HEMK2: variants seen among roughly 807,000 people sequenced by gnomAD.
HEMK2 encodes methyltransferase HEMK2.
the HEMK2 span, among the ~76,000 whole-genome samples, chr21:28,587,294 T>C: frequency 6.6e-6 from 1 of 152,136 alleles, no homozygotes. Flanking sequence ...TCACCTAACC[T>C]GGGTTGTGGG....
At chr21:28,827,332 C>A in the HEMK2 span, among the ~76,000 whole-genome samples, 1 of 152,170 alleles carries the variant, frequency 6.6e-6, no homozygotes, top group Non-Finnish European at 1.5e-5. Context: ...GTCTTTGATA[C>A]CACAGTTAAG....
At chr21:28,727,741 T>C in the HEMK2 span, among the ~76,000 whole-genome samples, 2 of 152,220 alleles carry the variant, frequency 1.3e-5, no homozygotes, top group Non-Finnish European at 2.9e-5. Flanking sequence ...GATGTTCAAA[T>C]AGGACCACTT....
the HEMK2 span, among the ~76,000 whole-genome samples, chr21:28,584,289 G>T: frequency 3.3e-5 from 5 of 152,128 alleles, no homozygotes; most frequent in African/African-American, 7.2e-5. Flanking sequence ...ATAAATTAGG[G>T]TGTCAGGAAC....
At chr21:28,658,027 T>C in the HEMK2 span, among the ~76,000 whole-genome samples, 1 of 152,096 alleles carries the variant, frequency 6.6e-6, no homozygotes, top group Non-Finnish European at 1.5e-5. Context: ...ACAAGCCATT[T>C]CTTGGTATGT....
chr21:28,612,270 G>C, the HEMK2 span, among the ~76,000 whole-genome samples: 1 of 151,416 alleles, frequency 6.6e-6, no homozygotes, highest in South Asian at 2.1e-4. Context: ...TGCAGGAATA[G>C]TTTAACATCT....
chr21:28,733,645 C>T, the HEMK2 span, among the ~76,000 whole-genome samples: 286 of 152,222 alleles, frequency 1.9e-3, 1 homozygote, highest in African/African-American at 6.5e-3. Flanking sequence ...CCCACTCCCC[C>T]CAACCCCATT....
chr21:28,600,453 C>T, the HEMK2 span, among the ~76,000 whole-genome samples: 3 of 152,206 alleles, frequency 2.0e-5, no homozygotes, highest in South Asian at 6.2e-4. Context: ...GCACAAAGTC[C>T]CTAGGCTGCA....
At chr21:28,745,851 G>A in the HEMK2 span, among the ~76,000 whole-genome samples, 1 of 152,144 alleles carries the variant, frequency 6.6e-6, no homozygotes, top group Non-Finnish European at 1.5e-5. Flanking sequence ...AAGAACATGT[G>A]AGCACTTTCC....
chr21:28,688,004 G>A, the HEMK2 span, among the ~76,000 whole-genome samples: 9 of 152,172 alleles, frequency 5.9e-5, no homozygotes, highest in South Asian at 1.9e-3. Context: ...GCTGAAAATT[G>A]ATATGAATCA....
the HEMK2 span, among the ~76,000 whole-genome samples, chr21:28,870,082 CT>C: frequency 1.3e-5 from 2 of 152,106 alleles, no homozygotes; most frequent in Admixed American, 1.3e-4. Flanking sequence ...TTTTTGTTTG[CT>C]TTGTTTTGGT....
the HEMK2 span, among the ~76,000 whole-genome samples, chr21:28,685,448 A>G: frequency 6.6e-6 from 1 of 152,174 alleles, no homozygotes; most frequent in South Asian, 2.1e-4. Context: ...CCTCTTTTTT[A>G]AACTTTAGCT....
At chr21:28,852,727 A>G in the HEMK2 span, among the ~76,000 whole-genome samples, 3 of 152,188 alleles carry the variant, frequency 2.0e-5, no homozygotes, top group Non-Finnish European at 4.4e-5. Flanking sequence ...GATTCCCTGT[A>G]TTTGTAATTC....
chr21:28,658,891 C>A, the HEMK2 span, among the ~76,000 whole-genome samples: 2 of 152,060 alleles, frequency 1.3e-5, no homozygotes, highest in Non-Finnish European at 2.9e-5. Context: ...ATTTTACCTG[C>A]GTCTGATCTC....
At chr21:28,644,476 A>T in the HEMK2 span, among the ~76,000 whole-genome samples, 1 of 152,178 alleles carries the variant, frequency 6.6e-6, no homozygotes, top group African/African-American at 2.4e-5. Context: ...GCAAAGAAAT[A>T]TGGAAAATGT....
At chr21:28,759,367 T>C in the HEMK2 span, among the ~76,000 whole-genome samples, 5 of 152,164 alleles carry the variant, frequency 3.3e-5, no homozygotes, top group East Asian at 1.9e-4. Flanking sequence ...ATTTCTCCCA[T>C]TTGGAACAGC....
At chr21:28,823,974 AGATCTACTTGATTG>A in the HEMK2 span, among the ~76,000 whole-genome samples, 1 of 152,214 alleles carries the variant, frequency 6.6e-6, no homozygotes, top group Non-Finnish European at 1.5e-5. Context: ...ATCCCACCCC[AGATCTACTTGATTG>A]GAGGAGGGGG....
the HEMK2 span, among the ~76,000 whole-genome samples, chr21:28,616,673 T>C: frequency 2.0e-5 from 3 of 152,166 alleles, no homozygotes; most frequent in Non-Finnish European, 2.9e-5. Context: ...GTTCTTGTAA[T>C]TTGTTTTTCT....
the HEMK2 span, among the ~76,000 whole-genome samples, chr21:28,869,491 T>C: frequency 6.6e-6 from 1 of 152,336 alleles, no homozygotes; most frequent in South Asian, 2.1e-4. Flanking sequence ...GGGGAAAGAA[T>C]TATAAGAACC....
At chr21:28,606,903 A>C in the HEMK2 span, among the ~76,000 whole-genome samples, 2 of 152,228 alleles carry the variant, frequency 1.3e-5, no homozygotes, top group Non-Finnish European at 1.5e-5. Flanking sequence ...CAGTGAAATA[A>C]ATTATTTTTG....
Sources: gnomAD v4.1 joint callset for allele counts (sites outside exome capture counted in the v4.1 genomes callset) on GRCh38, gnomAD v4.1.1 for gene constraint, MANE v1.5 for transcripts, NCBI Gene and HGNC (gene_info 2026-07-23, HGNC 2026-07-21) for gene names.